MPP7: variants seen among roughly 807,000 people sequenced by gnomAD.
The protein encoded by MPP7 is MAGUK p55 subfamily member 7.
MPP7 carries 60 observed loss-of-function variants against 76.5 expected under a neutral mutation model. The ratio of observed to expected loss-of-function variants is 0.78; its 90% CI spans 0.64 to 0.97. The LOEUF (loss-of-function observed/expected upper bound fraction) is 0.97. Ranked by LOEUF, MPP7 falls within the 50% of genes least tolerant of loss-of-function variation. The probability of loss-of-function intolerance (pLI) is 0.00; values close to 1 mark genes in which losing one functional copy is unlikely to be tolerated. For missense variants in MPP7, 641 were observed against 694.0 expected, an observed-to-expected ratio of 0.92 and a Z score of 0.86; for synonymous variants, 237 against 244.5, an observed-to-expected ratio of 0.97 and a Z score of 0.29.
chr10:28,266,578 G>T (rs1361326846), intron 1 of MPP7, among the ~76,000 whole-genome samples: 1 of 151,538 alleles, frequency 6.6e-6, no homozygotes, highest in Non-Finnish European at 1.5e-5. Flanking sequence ...TTTAAAAAAA[G>T]AAAAAAGAAA....
intron 3 of MPP7, among the ~76,000 whole-genome samples, chr10:28,178,126 T>C (rs1272468829): frequency 6.6e-6 from 1 of 152,072 alleles, no homozygotes; most frequent in Non-Finnish European, 1.5e-5. Flanking sequence ...TAGTTCTTTG[T>C]TGTGAGGGGC....
intron 1 of MPP7, among the ~76,000 whole-genome samples, chr10:28,274,813 TA>T (rs1323559566): frequency 6.6e-6 from 1 of 152,198 alleles, no homozygotes; most frequent in Non-Finnish European, 1.5e-5. Context: ...GGCTTTTTTT[TA>T]TATGCCATCA....
chr10:28,175,058 G>A (rs1179277039), intron 3 of MPP7, among the ~76,000 whole-genome samples: 1 of 152,144 alleles, frequency 6.6e-6, no homozygotes, highest in Non-Finnish European at 1.5e-5. Context: ...GGGAGGCCGA[G>A]GTGGGCGGAT....
chr10:28,069,217 G>A (rs1236675087), intron 13 of MPP7, among the ~76,000 whole-genome samples: 1 of 152,182 alleles, frequency 6.6e-6, no homozygotes, highest in Non-Finnish European at 1.5e-5. Flanking sequence ...AATAATGAGT[G>A]TAATTGAATT....
chr10:28,314,616 A>C (rs1399703469), intron 2 of MPP7, among the ~76,000 whole-genome samples: 2 of 152,206 alleles, frequency 1.3e-5, no homozygotes, highest in Non-Finnish European at 2.9e-5. Flanking sequence ...GTAAGATTGG[A>C]ACACTGAATG....
At chr10:28,094,060 C>T (rs574750415) in intron 11 of MPP7, among the ~76,000 whole-genome samples, 2 of 152,306 alleles carry the variant, frequency 1.3e-5, no homozygotes, top group South Asian at 2.1e-4. Flanking sequence ...GTGTCAAAGG[C>T]TAACGCTCTG....
chr10:28,283,114 G>A (rs958851141), intron 1 of MPP7, among the ~76,000 whole-genome samples: 7 of 151,922 alleles, frequency 4.6e-5, no homozygotes, highest in Non-Finnish European at 1.0e-4. Flanking sequence ...GTAACTTAAG[G>A]CACTGGCCAA....
intron 1 of MPP7, among the ~76,000 whole-genome samples, chr10:28,264,183 C>T (rs1001761183): frequency 1.3e-5 from 2 of 152,054 alleles, no homozygotes; most frequent in Non-Finnish European, 2.9e-5. Context: ...CCTGCAGTCC[C>T]AGCTACTTGG....
intron 2 of MPP7, among the ~76,000 whole-genome samples, chr10:28,329,748 A>G (rs1322970380): frequency 6.6e-6 from 1 of 152,204 alleles, no homozygotes; most frequent in Admixed American, 6.5e-5. Context: ...GTTTAAATTA[A>G]ATGATCAAAA....
intron 3 of MPP7, among the ~76,000 whole-genome samples, chr10:28,181,616 A>G (rs929590748): frequency 2.0e-5 from 3 of 152,252 alleles, no homozygotes; most frequent in African/African-American, 7.2e-5. Flanking sequence ...CAGAGCCTGG[A>G]AGGGCAAGTT....
chr10:28,158,931 ACCGAT>A (rs1377052162), intron 3 of MPP7, among the ~76,000 whole-genome samples: 1 of 152,036 alleles, frequency 6.6e-6, no homozygotes, highest in Non-Finnish European at 1.5e-5. Flanking sequence ...TCAAAAGCAA[ACCGAT>A]CCATCTTGCA....
rs548364579 is a variant in MPP7 at position 28,149,952 on chromosome 10, A to G, written c.234+30T>C. ...CCTGGGCCAGGTCTGCAGCAGACAC[A>G]TCCCAGTGAGCTCGGAGAGTCACAC... is the stretch of plus-strand genomic sequence containing the variant. On this transcript the variant is annotated intron_variant, in intron 4 of 16. Transcript: ENST00000683449. 2.5e-6 allele frequency: 4 copies of G among 1,595,152 alleles called. No homozygotes were observed. In the African/African-American group the frequency reaches 5.4e-5, roughly 21 times the overall value.
Position 28,238,672 on chromosome 10 carries a change from A to G in MPP7, c.-68T>C, listed in dbSNP as rs1839162044. On this transcript the variant is annotated 5_prime_UTR_variant, in exon 2 of 17. Transcript: ENST00000683449. Reference sequence around the variant, plus strand: ...ACCCTGCCTTCGGACAGCCACAGGGAATTCCAATTCAACAGCCTGCAGCCA... The same window carrying G: ...ACCCTGCCTTCGGACAGCCACAGGGGATTCCAATTCAACAGCCTGCAGCCA... The G allele has an allele frequency of 6.5e-7, 1 of 1,535,506 alleles. No homozygotes were observed. The highest frequency in any genetic ancestry group is 1.7e-5 in the Admixed American group (1 of 58,844).
upstream of MPP7, chr10:28,305,769 A>C (rs1393810883): frequency 6.6e-6 from 1 of 152,268 alleles, no homozygotes; most frequent in Admixed American, 6.5e-5. Flanking sequence ...AAGATTGCCT[A>C]GCCTGGATGG....
chr10:28,085,760 A>G (rs1238854200), intron 12 of MPP7, among the ~76,000 whole-genome samples: 1 of 152,184 alleles, frequency 6.6e-6, no homozygotes, highest in African/African-American at 2.4e-5. Flanking sequence ...ATCAAACTTA[A>G]GGAATTTCAA....
chr10:28,186,368 A>G (rs926451205), intron 3 of MPP7, among the ~76,000 whole-genome samples: 1 of 151,452 alleles, frequency 6.6e-6, no homozygotes, highest in Admixed American at 6.6e-5. Context: ...AAGAGAAAGA[A>G]AGAGAGAGAG....
chr10:28,155,831 T>C (rs928331433), intron 3 of MPP7, among the ~76,000 whole-genome samples: 1 of 151,826 alleles, frequency 6.6e-6, no homozygotes, highest in Non-Finnish European at 1.5e-5. Context: ...GACTTTGGGG[T>C]TCCTCAGGTT....
Position 28,119,091 on chromosome 10 carries a change from A to T in MPP7, c.952+560T>A, listed in dbSNP as rs1227930664. 6 of 984,312 alleles carry T rather than the reference A, an allele frequency of 6.1e-6. No homozygotes were observed. In the African/African-American group the frequency reaches 8.7e-5, roughly 14 times the overall value. The allele number at this position is 984,312 out of a possible 1,614,324, so 61.0% of individuals were successfully genotyped here. On this transcript the variant is annotated intron_variant, in intron 11 of 16. Coordinates refer to ENST00000683449, the MANE Select transcript of MPP7 (RefSeq NM_001318170.2). ...AAGAGAAAAAAAAGTATTTAAATGC[A>T]CACTAAGTTTTTCAGTAGTCATACG...
intron 11 of MPP7, among the ~76,000 whole-genome samples, chr10:28,111,515 TGTTTGTAAATCAATCTGTTCAA>T (rs940603513): frequency 1.3e-5 from 2 of 152,190 alleles, no homozygotes; most frequent in Non-Finnish European, 2.9e-5. Flanking sequence ...AGAACAGTTT[TGTTTGTAAATCAATCTGTTCAA>T]CACTTAAAAG....
Sources: allele counts gnomAD v4.1 joint callset (sites outside exome capture counted in the v4.1 genomes callset), GRCh38; gene constraint gnomAD v4.1.1; transcripts MANE v1.5; gene names NCBI Gene and HGNC (gene_info 2026-07-23, HGNC 2026-07-21).